SCG3: variants seen among roughly 807,000 people sequenced by gnomAD.
SCG3 encodes the protein secretogranin-3.
In SCG3, 38 loss-of-function variants were observed where a neutral mutation model predicts 56.2. The ratio of observed to expected loss-of-function variants is 0.68; its 90% CI spans 0.52 to 0.89. The LOEUF (loss-of-function observed/expected upper bound fraction) is 0.89. Among genes scored for constraint, SCG3 ranks in the 40% least tolerant of loss-of-function variants. The pLI, the probability that SCG3 is intolerant of heterozygous loss-of-function variation, is 0.00. For missense variants in SCG3, 524 were observed against 540.7 expected, an observed-to-expected ratio of 0.97 and a Z score of 0.31; for synonymous variants, 176 against 184.2, an observed-to-expected ratio of 0.96 and a Z score of 0.36.
intron 6 of SCG3, among the ~76,000 whole-genome samples, chr15:51,691,248 C>T (rs1225531178): frequency 2.6e-5 from 4 of 152,084 alleles, no homozygotes; most frequent in African/African-American, 9.7e-5. Flanking sequence ...GGAGGTGGAC[C>T]CAGGCCAGAC....
rs1567217778 is a variant in SCG3 at position 51,692,142 on chromosome 15, A to AT, written c.691-12dup. On this transcript the variant is annotated splice_polypyrimidine_tract_variant and intron_variant, in intron 6 of 11. Coordinates refer to ENST00000220478, the MANE Select transcript of SCG3 (RefSeq NM_013243.4). ...CTAACAAAATGTTCATTTTTTATTG[A>AT]TTTTTCCCCACTGGAGACTCCAATG... 9 of 1,576,046 alleles carry AT rather than the reference A, an allele frequency of 5.7e-6. No individual in the cohort carries two copies. In the Admixed American group the frequency reaches 5.8e-5, roughly 10 times the overall value.
chr15:51,710,182 G>C (rs1235732727), intron 10 of SCG3, among the ~76,000 whole-genome samples: 1 of 152,060 alleles, frequency 6.6e-6, no homozygotes, highest in Non-Finnish European at 1.5e-5. Flanking sequence ...CTCTCTGTCA[G>C]TCTTGTTCTA....
intron 4 of SCG3, among the ~76,000 whole-genome samples, chr15:51,684,984 G>T (rs773576886): frequency 3.9e-5 from 6 of 152,148 alleles, no homozygotes; most frequent in Non-Finnish European, 8.8e-5. Context: ...GTAAGTACAG[G>T]TTTTCTTCCC....
At chr15:51,716,226 A>G (rs2055454792) in intron 11 of SCG3, among the ~76,000 whole-genome samples, 1 of 152,186 alleles carries the variant, frequency 6.6e-6, no homozygotes, top group Non-Finnish European at 1.5e-5. Flanking sequence ...ATTCCATTAA[A>G]GATGTTGACA....
In SCG3 at chr15:51,688,415, G is replaced by C. The variant is rs2305712; in HGVS notation, c.540+13G>C. ...TAATCTCGGCCTTGTAAGTCATTTG[G>C]TAGGAAATAAACCAAATTCCTAGTG... On this transcript the variant is annotated intron_variant, in intron 5 of 11. Coordinates refer to ENST00000220478, the MANE Select transcript of SCG3 (RefSeq NM_013243.4). 7.2e-3 allele frequency: 11,555 copies of C among 1,611,234 alleles called. 435 individuals are homozygous for C. The East Asian group carries it at 0.11, about 15-fold the overall frequency.
At position 51,692,211 on chromosome 15, in the gene SCG3, C is replaced by T. The variant is rs1195429496; in HGVS notation, c.743C>T (p.Thr248Ile). ...CTTGCTAAGGGAGAAAACGATGAAA[C>T]AGTATCTAACACATTAACCTTGACA... ...DGLAKGENDE[T>I]VSNTLTLTNG... Residue 248 changes from threonine to isoleucine, a missense_variant, in exon 7 of 12, where the codon ACA (threonine) becomes ATA (isoleucine). Physicochemically the swap from Thr to Ile is moderately conservative, Grantham distance 89. Transcript: ENST00000220478. 6.2e-7 allele frequency: 1 copy of T among 1,613,772 alleles called. No individual in the cohort carries two copies. Among genetic ancestry groups the T allele is most frequent in the East Asian group, 2.2e-5 (1 of 44,874 alleles).
At chr15:51,681,976 A>T (rs1377791716) in intron 1 of SCG3, 139 bp downstream of exon 1, 5 of 643,684 alleles carry the variant, frequency 7.8e-6, no homozygotes, top group Non-Finnish European at 1.4e-5. Context: ...CAGAGAAATC[A>T]GTTCGAATTT....
At chr15:51,686,518 C>A (rs190259626) in intron 4 of SCG3, among the ~76,000 whole-genome samples, 93 of 152,296 alleles carry the variant, frequency 6.1e-4, no homozygotes, top group Middle Eastern at 3.4e-3. Context: ...GAAATAAATT[C>A]TTCCACCTCT....
chr15:51,715,642 A>G lies in SCG3; in HGVS notation c.1288+2229A>G, dbSNP rs112014101. On this transcript the variant is annotated intron_variant, in intron 11 of 11. Transcript: ENST00000220478. ...CCTTAAAACTTCTTTTAAGGTTAGC[A>G]AGATGGCTACTGGCTTATGTCTCCT... is the stretch of plus-strand genomic sequence containing the variant. Among the ~76,000 whole-genome samples the G allele has an allele frequency of 4.5e-4, 69 of 152,312 alleles. 1 individual carries two copies. Among genetic ancestry groups the G allele is most frequent in the African/African-American group, 1.5e-3 (62 of 41,570 alleles).
At position 51,719,783 on chromosome 15, in the gene SCG3, ATAT is replaced by A; in HGVS notation, c.*258_*260del. 4.7e-6 allele frequency: 2 copies of A among 426,752 alleles called. No individual in the cohort carries two copies. The highest frequency in any genetic ancestry group is 4.2e-5 in the East Asian group (1 of 23,992). 26.4% of individuals were successfully genotyped at this position (426,752 alleles called of 1,614,324 possible). Reference sequence around the variant, plus strand: ...CATAGACTTATATTTTATAATCAGAATATGTTGCTTTGAAAAAGCCTCTAATGG... The same window carrying A: ...CATAGACTTATATTTTATAATCAGAAGTTGCTTTGAAAAAGCCTCTAATGG... On this transcript the variant is annotated 3_prime_UTR_variant, in exon 12 of 12. Transcript: ENST00000220478.
intron 10 of SCG3, among the ~76,000 whole-genome samples, chr15:51,706,764 A>G (rs1353232538): frequency 6.6e-6 from 1 of 152,130 alleles, no homozygotes; most frequent in Non-Finnish European, 1.5e-5. Context: ...ATCTCATTTC[A>G]AGCTTAATGT....
chr15:51,693,341 CT>C (rs1209345245), intron 7 of SCG3: 1 of 152,134 alleles, frequency 6.6e-6, no homozygotes, highest in Admixed American at 6.6e-5. Flanking sequence ...CAGTTTCAGC[CT>C]TTATGAACAT....
intron 11 of SCG3, among the ~76,000 whole-genome samples, chr15:51,714,230 A>C (rs2055438827): frequency 6.6e-6 from 1 of 152,162 alleles, no homozygotes; most frequent in Non-Finnish European, 1.5e-5. Flanking sequence ...GAAGACATTT[A>C]TGTACTCTTC....
intron 11 of SCG3, among the ~76,000 whole-genome samples, chr15:51,714,542 A>C (rs1340796291): frequency 6.6e-6 from 1 of 152,228 alleles, no homozygotes. Flanking sequence ...CTAAGAAACA[A>C]GTAATGCTTC....
intron 8 of SCG3, among the ~76,000 whole-genome samples, chr15:51,697,411 C>T (rs1356780445): frequency 9.9e-5 from 15 of 152,146 alleles, no homozygotes; most frequent in African/African-American, 2.7e-4. Flanking sequence ...AGCAGTGCTG[C>T]GCAATATGGT....
chr15:51,687,655 TGA>T (rs1260858277), intron 4 of SCG3, among the ~76,000 whole-genome samples: 12 of 152,346 alleles, frequency 7.9e-5, no homozygotes, highest in African/African-American at 2.9e-4. Flanking sequence ...TCTCTAAGGA[TGA>T]GTTTTGTCAC....
intron 10 of SCG3, among the ~76,000 whole-genome samples, chr15:51,708,857 TA>T (rs371874379): frequency 1.1e-3 from 153 of 144,678 alleles, no homozygotes; most frequent in African/African-American, 2.1e-3. Context: ...AGACTCCATC[TA>T]AAAAAAAAAA....
intron 5 of SCG3, 125 bp downstream of exon 5, chr15:51,688,527 G>A (rs2055244636): frequency 1.3e-6 from 1 of 779,286 alleles, no homozygotes; most frequent in Admixed American, 2.8e-5. Context: ...GGACCCGTAG[G>A]TTTTAAGGAC....
At chr15:51,690,910 A>G (rs1205338829) in intron 6 of SCG3, among the ~76,000 whole-genome samples, 2 of 152,246 alleles carry the variant, frequency 1.3e-5, no homozygotes, top group African/African-American at 4.8e-5. Context: ...ATTTAAAAAG[A>G]CATAATCCCT....
Sources: gnomAD v4.1 joint callset for allele counts (sites outside exome capture counted in the v4.1 genomes callset) on GRCh38, gnomAD v4.1.1 for gene constraint, MANE v1.5 for transcripts, NCBI Gene and HGNC (gene_info 2026-07-23, HGNC 2026-07-21) for gene names.